Variants in PHACTR1 observed in about 807,000 individuals in gnomAD.
The protein encoded by PHACTR1 is phosphatase and actin regulator 1, also known as RPEL repeat containing 1.
In PHACTR1, 16 loss-of-function variants were observed where a neutral mutation model predicts 69.2. The ratio of observed to expected loss-of-function variants is 0.23; its 90% CI spans 0.16 to 0.35. PHACTR1 has a LOEUF of 0.35. PHACTR1 is among the 10% of genes least tolerant of loss of function. PHACTR1 has a pLI of 1.00. For missense variants in PHACTR1, 510 were observed against 734.7 expected (o/e 0.69, Z 3.54); for synonymous variants, 312 against 284.5 (o/e 1.10, Z -0.97).
At chr6:12,902,603 G>A (rs546038899) in intron 4 of PHACTR1, among the ~76,000 whole-genome samples, 1 of 152,220 alleles carries the variant, frequency 6.6e-6, no homozygotes, top group South Asian at 2.1e-4. Flanking sequence ...CATCTCTGTG[G>A]TATCACTTTT....
intron 6 of PHACTR1, among the ~76,000 whole-genome samples, chr6:13,180,285 T>C (rs1762018534): frequency 6.6e-6 from 1 of 152,224 alleles, no homozygotes; most frequent in Admixed American, 6.5e-5. Context: ...TTAGCAATTA[T>C]AACAGTGGAG....
intron 8 of PHACTR1, among the ~76,000 whole-genome samples, chr6:13,210,911 C>CTTTTTTTTTTTT (rs56769825): frequency 2.7e-5 from 2 of 72,930 alleles, no homozygotes; most frequent in Non-Finnish European, 5.3e-5. Flanking sequence ...TTTATCATTT[C>CTTTTTTTTTTTT]TTTTTTTTTT....
intron 5 of PHACTR1, among the ~76,000 whole-genome samples, chr6:13,148,866 A>G (rs1823853663): frequency 6.6e-6 from 1 of 152,220 alleles, no homozygotes; most frequent in South Asian, 2.1e-4. Context: ...GGGAATGCAC[A>G]TGAGGGCTGG....
At chr6:13,226,228 G>A (rs1769661933) in intron 8 of PHACTR1, among the ~76,000 whole-genome samples, 1 of 152,126 alleles carries the variant, frequency 6.6e-6, no homozygotes. Flanking sequence ...TTGTGTCACT[G>A]AAGAGTTCTG....
chr6:13,140,108 C>G (rs1211412271), intron 5 of PHACTR1, among the ~76,000 whole-genome samples: 1 of 152,114 alleles, frequency 6.6e-6, no homozygotes, highest in African/African-American at 2.4e-5. Context: ...CACTTCATAT[C>G]CCTAGGATGG....
intron 10 of PHACTR1, among the ~76,000 whole-genome samples, chr6:13,240,741 C>G (rs191127676): frequency 1.3e-5 from 2 of 152,176 alleles, no homozygotes; most frequent in Non-Finnish European, 2.9e-5. Context: ...ACCACTGTAC[C>G]CAGCCAGGAT....
intron 4 of PHACTR1, among the ~76,000 whole-genome samples, chr6:13,003,274 T>C (rs1798306724): frequency 6.6e-6 from 1 of 152,206 alleles, no homozygotes; most frequent in Non-Finnish European, 1.5e-5. Flanking sequence ...GTTTCATTCA[T>C]TTTTTATCAT....
intron 5 of PHACTR1, among the ~76,000 whole-genome samples, chr6:13,074,704 CA>C (rs1294287801): frequency 6.6e-6 from 1 of 152,128 alleles, no homozygotes; most frequent in African/African-American, 2.4e-5. Context: ...TGTTTATAAT[CA>C]CACACAAAAA....
At chr6:12,775,453 G>A (rs531900703) in intron 4 of PHACTR1, among the ~76,000 whole-genome samples, 10 of 152,180 alleles carry the variant, frequency 6.6e-5, no homozygotes, top group Admixed American at 3.3e-4. Context: ...CTCATTAATC[G>A]TGTGGCCTAA....
At chr6:13,071,866 G>A (rs1040975550) in intron 5 of PHACTR1, among the ~76,000 whole-genome samples, 1 of 152,176 alleles carries the variant, frequency 6.6e-6, no homozygotes, top group Non-Finnish European at 1.5e-5. Flanking sequence ...CATACAGGAA[G>A]GAGTTGTTCA....
At chr6:13,035,039 A>G (rs977706043) in intron 4 of PHACTR1, among the ~76,000 whole-genome samples, 8 of 152,234 alleles carry the variant, frequency 5.3e-5, no homozygotes, top group African/African-American at 1.9e-4. Context: ...TAAAGCCTTC[A>G]AAGTATTCAT....
chr6:12,888,697 TTCA>T (rs1783879852), intron 4 of PHACTR1, among the ~76,000 whole-genome samples: 1 of 152,170 alleles, frequency 6.6e-6, no homozygotes, highest in Non-Finnish European at 1.5e-5. Flanking sequence ...CCAAAATGAC[TTCA>T]TATTAGTCAG....
At chr6:12,919,421 A>G (rs1275798720) in intron 4 of PHACTR1, among the ~76,000 whole-genome samples, 2 of 152,180 alleles carry the variant, frequency 1.3e-5, no homozygotes, top group Non-Finnish European at 2.9e-5. Flanking sequence ...GAGTACAGGC[A>G]TGAGCCACCG....
At chr6:13,013,952 G>A (rs1215516003) in intron 4 of PHACTR1, among the ~76,000 whole-genome samples, 2 of 151,422 alleles carry the variant, frequency 1.3e-5, no homozygotes, top group East Asian at 3.9e-4. Context: ...GCTGCAGGGA[G>A]GGCGCGGTGC....
intron 7 of PHACTR1, among the ~76,000 whole-genome samples, chr6:13,201,534 G>A (rs1261270849): frequency 1.3e-5 from 2 of 152,180 alleles, no homozygotes; most frequent in East Asian, 1.9e-4. Flanking sequence ...AGCAGGTGCT[G>A]TAGGGAGATA....
rs145952761 is a variant in PHACTR1, at chr6:12,732,421, G to A, written c.103+13574G>A. The stretch of plus-strand genomic sequence containing the variant: ...GTGCAGGTTTGTTACATAGGTATAC[G>A]TGTGTCATGGCGGTTTGCTGCACCT... On this transcript the variant is annotated intron_variant, in intron 3 of 14. Transcript: ENST00000332995. Among the ~76,000 whole-genome samples the A allele has an allele frequency of 1.3e-3, 199 of 152,088 alleles. 4 individuals carry two copies. In the East Asian group the frequency reaches 0.034, roughly 26 times the overall value.
At chr6:12,894,896 T>A (rs1784502898) in intron 4 of PHACTR1, among the ~76,000 whole-genome samples, 1 of 152,202 alleles carries the variant, frequency 6.6e-6, no homozygotes, top group Non-Finnish European at 1.5e-5. Flanking sequence ...CCTTCCATAT[T>A]TTTATGCTTA....
At chr6:13,045,483 C>G (rs1309501209) in intron 4 of PHACTR1, among the ~76,000 whole-genome samples, 5 of 152,168 alleles carry the variant, frequency 3.3e-5, no homozygotes, top group Admixed American at 1.3e-4. Context: ...ACGCAGAGTC[C>G]CATAAACCGC....
intron 5 of PHACTR1, among the ~76,000 whole-genome samples, chr6:13,074,791 G>A (rs1810156884): frequency 6.6e-6 from 1 of 152,174 alleles, no homozygotes; most frequent in East Asian, 1.9e-4. Context: ...TGGAGTACCA[G>A]TAAGTCATAG....
Sources: gnomAD v4.1 joint callset for allele counts (sites outside exome capture counted in the v4.1 genomes callset) on GRCh38, gnomAD v4.1.1 for gene constraint, MANE v1.5 for transcripts, NCBI Gene and HGNC (gene_info 2026-07-23, HGNC 2026-07-21) for gene names.